The following TXNDC16 variants were observed in gnomAD, a reference collection of about 807,000 sequenced individuals.
TXNDC16 encodes thioredoxin domain containing 16.
A neutral mutation model predicts 85.6 loss-of-function variants in TXNDC16; 74 were observed. The ratio of observed to expected loss-of-function variants is 0.86; its 90% CI spans 0.72 to 1.05. TXNDC16 has a LOEUF of 1.05. Among genes scored for constraint, TXNDC16 ranks in the 50% least tolerant of loss-of-function variants. TXNDC16 has a pLI of 0.00. For missense variants in TXNDC16, 959 were observed against 947.0 expected (o/e 1.01, Z -0.17); for synonymous variants, 335 against 326.5 (o/e 1.03, Z -0.28).
intron 19 of TXNDC16, 116 bp downstream of exon 19, chr14:52,440,448 A>G (rs2035138300): frequency 9.4e-6 from 7 of 742,388 alleles, no homozygotes; most frequent in Non-Finnish European, 1.3e-5. Context: ...TCATGGTGAC[A>G]TATTTGGTTC....
At chr14:52,492,879 A>G (rs539221142) in intron 9 of TXNDC16, among the ~76,000 whole-genome samples, 5 of 152,042 alleles carry the variant, frequency 3.3e-5, no homozygotes, top group African/African-American at 9.6e-5. Flanking sequence ...GTCTCCCCCA[A>G]CCCCAACTGC....
chr14:52,470,568 G>C lies in TXNDC16; in HGVS notation c.1425C>G (p.Asn475Lys). The C allele has an allele frequency of 3.1e-6, 5 of 1,613,910 alleles. No homozygotes were observed. Among genetic ancestry groups the C allele is most frequent in the Non-Finnish European group, 4.2e-6 (5 of 1,179,918 alleles). Residue 475 changes from asparagine (N) to lysine (K), a missense_variant, in exon 15 of 21, where the codon AAC becomes AAG. Asn to Lys is a moderately conservative substitution (Grantham distance 94). Coordinates refer to ENST00000281741, the MANE Select transcript of TXNDC16 (RefSeq NM_020784.3). ...PIIKMYKKGE[N>K]PVSYAGMLGT... ...CTAACATTCCAGCATAAGATACTGG[G>C]TTCTCGCCTTTCTTGTACATCTTTA...
intron 9 of TXNDC16, among the ~76,000 whole-genome samples, chr14:52,509,938 G>A (rs1194778566): frequency 6.6e-6 from 1 of 150,670 alleles, no homozygotes; most frequent in East Asian, 2.0e-4. Context: ...CCGAGATCGC[G>A]CCACTGCACT....
In TXNDC16 at chr14:52,488,383, T is replaced by A. The variant is rs1345941697; in HGVS notation, c.1088A>T (p.Asp363Val). 1 of 1,613,746 alleles carries A rather than the reference T, an allele frequency of 6.2e-7. No individual in the cohort carries two copies. Among genetic ancestry groups the A allele is most frequent in the Admixed American group, 1.7e-5 (1 of 59,974 alleles). The change falls in exon 12 of 21, where the codon GAC becomes GTC. Residue 363 changes from aspartate to valine, a missense_variant. Coordinates refer to ENST00000281741, the MANE Select transcript of TXNDC16 (RefSeq NM_020784.3). ...ATTACCTATATCTGGACCTTCCATG[T>A]CATTGTCTTCATCTTCTTGTATTTC... ...IEEIQEDEDNDMEGPDIDVQD... is the reference protein window; with the variant it reads ...IEEIQEDEDNVMEGPDIDVQD...
chr14:52,529,674 T>C (rs1468154863), intron 6 of TXNDC16, among the ~76,000 whole-genome samples: 2 of 107,252 alleles, frequency 1.9e-5, no homozygotes, highest in Non-Finnish European at 3.4e-5. Flanking sequence ...CTATTATATA[T>C]AATATATATA....
chr14:52,541,873 T>A (rs982019028), intron 4 of TXNDC16, among the ~76,000 whole-genome samples: 1 of 152,214 alleles, frequency 6.6e-6, no homozygotes, highest in Non-Finnish European at 1.5e-5. Context: ...AAATTAAGTA[T>A]GTAATGTTGA....
Position 52,543,625 on chromosome 14 carries a change from C to A in TXNDC16, c.-68G>T. On this transcript the variant is annotated 5_prime_UTR_variant, in exon 3 of 21. Coordinates refer to ENST00000281741, the MANE Select transcript of TXNDC16 (RefSeq NM_020784.3). ...CACTGCTGTGTTCTGTTTCCTAAGA[C>A]AACACCTGGCACAGAGAAGGTATTC... 1 of 1,542,110 alleles carries A rather than the reference C, an allele frequency of 6.5e-7. No homozygotes were observed. The highest frequency in any genetic ancestry group is 2.3e-5 in the East Asian group (1 of 43,508).
intron 9 of TXNDC16, among the ~76,000 whole-genome samples, chr14:52,496,610 AT>A (rs57762673): frequency 0.048 from 6,684 of 139,976 alleles, 464 homozygotes; most frequent in African/African-American, 0.16. Context: ...TGATTTTATG[AT>A]TTTTTTTTTT....
chr14:52,530,465 T>A (rs57836562), intron 6 of TXNDC16, among the ~76,000 whole-genome samples: 82 of 696 alleles, frequency 0.12, 4 homozygotes, highest in East Asian at 0.17. Flanking sequence ...ATAATATATA[T>A]TATATATTAT....
intron 20 of TXNDC16, among the ~76,000 whole-genome samples, chr14:52,433,933 C>A (rs1292362194): frequency 2.0e-5 from 3 of 152,114 alleles, no homozygotes. Flanking sequence ...AATCCCACCA[C>A]TTTGGGAAGC....
At chr14:52,545,432 A>G (rs1332931179) in intron 1 of TXNDC16, among the ~76,000 whole-genome samples, 1 of 152,226 alleles carries the variant, frequency 6.6e-6, no homozygotes, top group African/African-American at 2.4e-5. Flanking sequence ...TGTTCCATCT[A>G]TGGTAAGATT....
chr14:52,543,543 G>T lies in TXNDC16; in HGVS notation c.15C>A (p.Phe5Leu), dbSNP rs148696535. 1 of 1,613,162 alleles carries T rather than the reference G, an allele frequency of 6.2e-7. No homozygotes were observed. Among genetic ancestry groups the T allele is most frequent in the African/African-American group, 1.3e-5 (1 of 75,008 alleles). Residue 5 changes from phenylalanine (F) to leucine (L), a missense_variant, in exon 3 of 21, where the codon TTC (phenylalanine) becomes TTA (leucine). Physicochemically the swap from Phe to Leu is conservative, Grantham distance 22. Coordinates refer to ENST00000281741, the MANE Select transcript of TXNDC16 (RefSeq NM_020784.3). MFSG[F>L]NVFRVGISFV... is the part of the protein sequence containing the mutation. ...AAGAGATCCCAACTCTAAAGACATT[G>T]AAGCCGGAAAACATTATCAGCTGCA...
At chr14:52,508,919 C>G (rs996803779) in intron 9 of TXNDC16, among the ~76,000 whole-genome samples, 1 of 151,684 alleles carries the variant, frequency 6.6e-6, no homozygotes, top group Admixed American at 6.6e-5. Context: ...GTGGGGGCAG[C>G]GGGGAGGGAT....
At chr14:52,544,561 T>A (rs574296802) in intron 1 of TXNDC16, among the ~76,000 whole-genome samples, 190 bp from the exon 2 acceptor site, 1 of 152,154 alleles carries the variant, frequency 6.6e-6, no homozygotes, top group South Asian at 2.1e-4. Context: ...CTCATAAGGA[T>A]AAAAGTAGAA....
chr14:52,446,664 C>T (rs772247945), intron 18 of TXNDC16, among the ~76,000 whole-genome samples: 2 of 152,132 alleles, frequency 1.3e-5, no homozygotes, highest in Non-Finnish European at 2.9e-5. Context: ...AAAAGAGACC[C>T]CTTCCTTCTG....
At chr14:52,468,730 T>C (rs1465754078) in intron 16 of TXNDC16, among the ~76,000 whole-genome samples, 1 of 151,550 alleles carries the variant, frequency 6.6e-6, no homozygotes, top group Non-Finnish European at 1.5e-5. Flanking sequence ...ATTAAAAAAT[T>C]AGTGGGCATG....
chr14:52,454,184 G>C (rs1174062112), intron 18 of TXNDC16, among the ~76,000 whole-genome samples: 1 of 152,062 alleles, frequency 6.6e-6, no homozygotes, highest in African/African-American at 2.4e-5. Context: ...TCAGCACTTT[G>C]GGAGGCCAAG....
At chr14:52,521,504 G>A (rs2037211044) in intron 6 of TXNDC16, among the ~76,000 whole-genome samples, 1 of 152,070 alleles carries the variant, frequency 6.6e-6, no homozygotes, top group South Asian at 2.1e-4. Context: ...TATCTAATCT[G>A]TTGTGACATC....
At chr14:52,551,069 T>G (rs2038033340) in intron 1 of TXNDC16, among the ~76,000 whole-genome samples, 1 of 152,180 alleles carries the variant, frequency 6.6e-6, no homozygotes, top group African/African-American at 2.4e-5. Flanking sequence ...ACGTTTCATC[T>G]GAGGGATGTC....
Sources: allele counts gnomAD v4.1 joint callset (sites outside exome capture counted in the v4.1 genomes callset), GRCh38; gene constraint gnomAD v4.1.1; transcripts MANE v1.5; gene names NCBI Gene and HGNC (gene_info 2026-07-23, HGNC 2026-07-21).